Variants in COPS9 observed in about 807,000 individuals in gnomAD.
The protein encoded by COPS9 is COP9 signalosome subunit 9.
Under a neutral mutation model 7.2 loss-of-function variants are expected in COPS9, and 8 were observed. The ratio of observed to expected loss-of-function variants is 1.11; its 90% CI spans 0.65 to 2.00. The LOEUF (loss-of-function observed/expected upper bound fraction) is 2.00. COPS9 is among the 30% of genes most tolerant of loss of function. COPS9 has a pLI of 0.00. For synonymous variants in COPS9, 39 were observed against 28.7 expected (o/e 1.36, Z -1.14); for missense variants, 74 against 77.7 (o/e 0.95, Z 0.18).
At chr2:240,135,977 C>G in intron 1 of COPS9, 1 of 578,296 alleles carries the variant, frequency 1.7e-6, no homozygotes, top group Non-Finnish European at 2.8e-6. Context: ...GGCACTCAAC[C>G]CTCAGGCTGC....
At chr2:240,127,633 G>A (rs191050742), downstream of COPS9, among the ~76,000 whole-genome samples, 11 of 152,234 alleles carry the variant, frequency 7.2e-5, no homozygotes, top group African/African-American at 2.6e-4. Flanking sequence ...TGGGATCAGC[G>A]TCCGTACAGG....
chr2:240,129,653 C>G (rs1223800300), downstream of COPS9, among the ~76,000 whole-genome samples: 3 of 152,222 alleles, frequency 2.0e-5, no homozygotes, highest in Non-Finnish European at 2.9e-5. Context: ...CACCCAAATA[C>G]CTAGTTGTTC....
downstream of COPS9, chr2:240,129,969 C>T (rs868488657): frequency 1.9e-6 from 3 of 1,614,036 alleles, no homozygotes; most frequent in Non-Finnish European, 2.5e-6. Flanking sequence ...CTCCGACTGC[C>T]CTCGCTGCAG....
intron 2 of COPS9, 132 bp downstream of exon 2, chr2:240,133,801 C>A: frequency 1.2e-6 from 1 of 839,050 alleles, no homozygotes; most frequent in Non-Finnish European, 1.9e-6. Context: ...GGCTGCACTG[C>A]ATTCTGAGAG....
At chr2:240,126,987 G>C, downstream of COPS9, 3 of 1,588,004 alleles carry the variant, frequency 1.9e-6, no homozygotes, top group Non-Finnish European at 2.6e-6. Context: ...AGGTCTGGTA[G>C]GTTTGCCTCT....
chr2:240,135,904 G>A (rs2071972754), intron 1 of COPS9: 2 of 400,184 alleles, frequency 5.0e-6, no homozygotes, highest in Non-Finnish European at 8.9e-6. Flanking sequence ...AGCCATCGAA[G>A]AGCAGCAAAC....
Position 240,132,767 on chromosome 2 carries a change from C to T in COPS9, c.136+1166G>A, listed in dbSNP as rs2071935564. On this transcript the variant is annotated intron_variant, in intron 2 of 2. Transcript: ENST00000607357. The surrounding 1 kb of genome is among the most constrained non-coding windows in gnomAD (Gnocchi z 4.1). ...CTGCCCACGTGAAAAGCTTCAAAGT[C>T]GCCCTGGTGAGCTGGTGTTTTTGCA... Among the ~76,000 whole-genome samples the T allele has an allele frequency of 6.6e-6, 1 of 152,234 alleles. No individual in the cohort carries two copies. Among genetic ancestry groups the T allele is most frequent in the Non-Finnish European group, 1.5e-5 (1 of 68,040 alleles).
downstream of COPS9, among the ~76,000 whole-genome samples, chr2:240,128,705 G>C (rs1349132810): frequency 2.0e-5 from 3 of 152,174 alleles, no homozygotes; most frequent in Non-Finnish European, 4.4e-5. Context: ...TTTTGCCACG[G>C]GAGTGACCGT....
chr2:240,132,484 T>A lies in COPS9; in HGVS notation c.137-1396A>T, dbSNP rs2071932587. ...ACAGAGCTCTCCTGCGTCCCCTCCCTGACCGGCCGTGGCTCAAAGGCAGAC... is the reference window on the plus strand; with the variant it reads ...ACAGAGCTCTCCTGCGTCCCCTCCCAGACCGGCCGTGGCTCAAAGGCAGAC... On this transcript the variant is annotated intron_variant, in intron 2 of 2. Coordinates refer to ENST00000607357, the MANE Select transcript of COPS9 (RefSeq NM_001163424.2). This position sits in a 1 kb window ranked among gnomAD's most constrained non-coding sequence, Gnocchi z 4.1. 6.6e-6 allele frequency among the ~76,000 whole-genome samples: 1 copy of A among 152,162 alleles called. No individual in the cohort carries two copies. Among genetic ancestry groups the A allele is most frequent in the African/African-American group, 2.4e-5 (1 of 41,436 alleles).
chr2:240,135,900 C>G (rs957917783), intron 1 of COPS9: 1 of 390,812 alleles, frequency 2.6e-6, no homozygotes, highest in Non-Finnish European at 4.5e-6. Context: ...CTGCAGCCAT[C>G]GAAGAGCAGC....
chr2:240,128,897 C>A (rs997614539), downstream of COPS9, among the ~76,000 whole-genome samples: 1 of 152,232 alleles, frequency 6.6e-6, no homozygotes, highest in African/African-American at 2.4e-5. Context: ...AGAGCCCACA[C>A]AGGTCTCAAC....
At chr2:240,134,572 C>T (rs955107470) in intron 1 of COPS9, among the ~76,000 whole-genome samples, 6 of 152,126 alleles carry the variant, frequency 3.9e-5, no homozygotes, top group African/African-American at 1.2e-4. Flanking sequence ...TAGAGTCAAC[C>T]GGTGACAGAG....
chr2:240,130,121 G>A (rs2071906771), downstream of COPS9: 1 of 1,019,816 alleles, frequency 9.8e-7, no homozygotes, highest in African/African-American at 1.6e-5. Flanking sequence ...CTGACATTCG[G>A]TTCTGCTTAA....
At chr2:240,135,915 G>C (rs956132758) in intron 1 of COPS9, 2 of 414,218 alleles carry the variant, frequency 4.8e-6, no homozygotes, top group African/African-American at 2.1e-5. Context: ...AGCAGCAAAC[G>C]CAACTCCTCT....
At position 240,131,752 on chromosome 2, in the gene COPS9, G is replaced by T. The variant is rs548550502; in HGVS notation, c.137-664C>A. Among the ~76,000 whole-genome samples, 304 of 152,272 alleles carry T rather than the reference G, an allele frequency of 2.0e-3. 1 individual carries two copies. Among genetic ancestry groups the T allele is most frequent in the African/African-American group, 7.0e-3 (290 of 41,552 alleles). ...TGTGTTTTTCAAATTCCCTACTACA[G>T]GCAATCATCACTTTCACAATGGGAG... On this transcript the variant is annotated intron_variant, in intron 2 of 2. Transcript: ENST00000607357.
chr2:240,130,469 C>T (rs1295261584), downstream of COPS9, among the ~76,000 whole-genome samples: 1 of 152,220 alleles, frequency 6.6e-6, no homozygotes, highest in Non-Finnish European at 1.5e-5. Flanking sequence ...CTCCTGCAGT[C>T]GCATCCTGTC....
downstream of COPS9, chr2:240,129,973 G>T (rs765933574): frequency 5.0e-6 from 8 of 1,613,874 alleles, no homozygotes; most frequent in Non-Finnish European, 6.8e-6. Flanking sequence ...GACTGCCCTC[G>T]CTGCAGTGCG....
intron 2 of COPS9, among the ~76,000 whole-genome samples, chr2:240,131,705 T>G (rs35427840): frequency 6.6e-6 from 1 of 152,086 alleles, no homozygotes; most frequent in Non-Finnish European, 1.5e-5. Flanking sequence ...CAGGAAAGAT[T>G]TTGTCCTTCT....
downstream of COPS9, chr2:240,126,862 C>A: frequency 6.2e-7 from 1 of 1,614,140 alleles, no homozygotes; most frequent in Non-Finnish European, 8.5e-7. Context: ...AACATTAGCG[C>A]CTCCGCCCCC....
Sources: allele counts gnomAD v4.1 joint callset (sites outside exome capture counted in the v4.1 genomes callset), GRCh38; gene constraint gnomAD v4.1.1; non-coding constraint Gnocchi (gnomAD v3.1); transcripts MANE v1.5; gene names NCBI Gene and HGNC (gene_info 2026-07-23, HGNC 2026-07-21).